The following ACAP2 variants were observed in gnomAD, a reference collection of about 807,000 sequenced individuals.
ACAP2 encodes ArfGAP with coiled-coil, ankyrin repeat and PH domains 2, also known as arf-GAP with coiled-coil, ANK repeat and PH domain-containing protein 2.
Under a neutral mutation model 115.8 loss-of-function variants are expected in ACAP2, and 39 were observed. The ratio of observed to expected loss-of-function variants is 0.34; its 90% CI spans 0.26 to 0.44. The LOEUF is 0.44. ACAP2 is among the 20% of genes least tolerant of loss of function. ACAP2 has a pLI of 1.00. For synonymous variants in ACAP2, 289 were observed against 315.8 expected (o/e 0.92, Z 0.90); for missense variants, 662 against 927.6 (o/e 0.71, Z 3.72).
intron 18 of ACAP2, 105 bp downstream of exon 18, chr3:195,294,608 ATTATAT>A (rs71180919): frequency 0.1 from 8,433 of 84,310 alleles, 443 homozygotes; most frequent in Non-Finnish European, 0.13. Flanking sequence ...AAAAAAAAAA[ATTATAT>A]ATATATATAT....
chr3:195,332,657 G>A (rs1730250170), intron 8 of ACAP2, among the ~76,000 whole-genome samples: 1 of 152,170 alleles, frequency 6.6e-6, no homozygotes, highest in Admixed American at 6.5e-5. Context: ...GAGACAAGGT[G>A]GAGGGAACTG....
chr3:195,374,607 T>C (rs1733387820), intron 4 of ACAP2, among the ~76,000 whole-genome samples: 3 of 152,358 alleles, frequency 2.0e-5, no homozygotes, highest in East Asian at 1.9e-4. Flanking sequence ...TATGCCTATA[T>C]AGGCAGTTTC....
chr3:195,384,326 C>T (rs823303), intron 2 of ACAP2, among the ~76,000 whole-genome samples: 25,336 of 152,008 alleles, frequency 0.17, 2,388 homozygotes, highest in Admixed American at 0.28. Context: ...ATAACATCCA[C>T]GATATATTAA....
At chr3:195,399,621 A>G (rs942156251) in intron 1 of ACAP2, among the ~76,000 whole-genome samples, 1 of 150,526 alleles carries the variant, frequency 6.6e-6, no homozygotes, top group Non-Finnish European at 1.5e-5. Context: ...AAAAGTAGCG[A>G]AAAAAAAAAT....
chr3:195,292,380 G>T lies in ACAP2; in HGVS notation c.1838C>A (p.Ala613Glu), dbSNP rs149500040. Residue 613 changes from alanine to glutamate, a missense_variant, in exon 19 of 23, where the codon GCG (alanine) becomes GAG (glutamate). Around this residue, in one of 3 missense-constraint regions of ACAP2, gnomAD observed 133 missense variants for 123.1 expected, o/e 1.08. Coordinates refer to ENST00000326793, the MANE Select transcript of ACAP2 (RefSeq NM_012287.6). ...HLNPGLQLYR[A>E]SYEKNLPKMA... ...TTTAGGAAGGTTTTTTTCATATGAC[G>T]CCCTATAAAGCTGAAGTCCTGGATT... 6 of 1,613,710 alleles carry T rather than the reference G, an allele frequency of 3.7e-6. No individual in the cohort carries two copies. The highest frequency in any genetic ancestry group is 5.1e-6 in the Non-Finnish European group (6 of 1,179,964).
At chr3:195,426,210 T>C (rs1370321321) in intron 1 of ACAP2, among the ~76,000 whole-genome samples, 11 of 152,180 alleles carry the variant, frequency 7.2e-5, no homozygotes, top group Non-Finnish European at 1.0e-4. Context: ...CCTTTCTCCC[T>C]GAGGCTTTAA....
intron 1 of ACAP2, among the ~76,000 whole-genome samples, chr3:195,424,595 G>A (rs1338249046): frequency 2.6e-5 from 4 of 150,950 alleles, no homozygotes; most frequent in Non-Finnish European, 4.4e-5. Context: ...CACCGCGCCC[G>A]GCCAGTTTTG....
intron 1 of ACAP2, among the ~76,000 whole-genome samples, chr3:195,395,160 C>A (rs1711637819): frequency 4.1e-5 from 6 of 144,580 alleles, no homozygotes. Context: ...CAATCCTCCC[C>A]AATTTTTACG....
rs548959066 is a variant in ACAP2, at chr3:195,348,771, A to T, written c.286-3454T>A. Among the ~76,000 whole-genome samples, 25 of 152,272 alleles carry T rather than the reference A, an allele frequency of 1.6e-4. No individual in the cohort carries two copies. In the South Asian group the frequency reaches 5.0e-3, roughly 30 times the overall value. ...CTGCAACAAAAATCTTCCCTTCCTGATTTTTAAAAACTCTCAGGAATATAG... is the reference window on the plus strand; with the variant it reads ...CTGCAACAAAAATCTTCCCTTCCTGTTTTTTAAAAACTCTCAGGAATATAG... On this transcript the variant is annotated intron_variant, in intron 4 of 22. Transcript: ENST00000326793.
At chr3:195,393,354 T>C (rs1711508953) in intron 1 of ACAP2, among the ~76,000 whole-genome samples, 1 of 152,220 alleles carries the variant, frequency 6.6e-6, no homozygotes, top group Non-Finnish European at 1.5e-5. Context: ...TTCACCTCTG[T>C]GTGACCTCTG....
At chr3:195,309,057 C>T (rs141946756) in intron 10 of ACAP2, among the ~76,000 whole-genome samples, 54 of 152,276 alleles carry the variant, frequency 3.5e-4, no homozygotes, top group Non-Finnish European at 7.5e-4. Context: ...TAAAGTACTA[C>T]ATTTTGATTA....
rs780120150 is a variant in ACAP2, at chr3:195,345,329, A to G, written c.286-12T>C. 22 of 1,552,438 alleles carry G rather than the reference A, an allele frequency of 1.4e-5. No individual in the cohort carries two copies. The highest frequency in any genetic ancestry group is 1.9e-5 in the Non-Finnish European group (21 of 1,125,428). On this transcript the variant is annotated splice_polypyrimidine_tract_variant and intron_variant, in intron 4 of 22. Coordinates refer to ENST00000326793, the MANE Select transcript of ACAP2 (RefSeq NM_012287.6). ...TGGTCAAACAGGATCTAAAAAATAA[A>G]ATGTAATATTAAGTGATTAGAAAAG...
intron 4 of ACAP2, among the ~76,000 whole-genome samples, chr3:195,356,842 C>A (rs1465635162): frequency 1.3e-5 from 2 of 151,946 alleles, no homozygotes; most frequent in African/African-American, 4.8e-5. Flanking sequence ...GTAACACACA[C>A]TGTGGGCCTC....
intron 4 of ACAP2, among the ~76,000 whole-genome samples, chr3:195,353,235 T>A (rs1386587815): frequency 6.6e-6 from 1 of 152,128 alleles, no homozygotes; most frequent in Non-Finnish European, 1.5e-5. Flanking sequence ...TGAGGCAATC[T>A]CATGAAATTC....
At chr3:195,403,782 C>T (rs1712512524) in intron 1 of ACAP2, among the ~76,000 whole-genome samples, 1 of 152,096 alleles carries the variant, frequency 6.6e-6, no homozygotes, top group African/African-American at 2.4e-5. Flanking sequence ...TTGGATTTGA[C>T]TCCAAAATAT....
intron 1 of ACAP2, among the ~76,000 whole-genome samples, chr3:195,424,247 GTGT>G (rs1714446035): frequency 1.2e-4 from 9 of 73,606 alleles, no homozygotes; most frequent in African/African-American, 3.9e-4. Context: ...TGTGTGTGGT[GTGT>G]GTGTGTGTGT....
intron 15 of ACAP2, among the ~76,000 whole-genome samples, chr3:195,300,101 C>CAG (rs1727948612): frequency 1.4e-5 from 2 of 144,278 alleles, no homozygotes; most frequent in African/African-American, 5.3e-5. Flanking sequence ...GGCCGGAGTG[C>CAG]AGTGGTGCGA....
At chr3:195,318,030 T>A (rs1439939817) in intron 10 of ACAP2, among the ~76,000 whole-genome samples, 1 of 152,176 alleles carries the variant, frequency 6.6e-6, no homozygotes, top group African/African-American at 2.4e-5. Context: ...GCTGTTCTCG[T>A]GATGGTGAGG....
chr3:195,274,996 A>C lies in ACAP2; in HGVS notation c.*4332T>G, dbSNP rs985311822. ...TTTCACAGGTAGCAAGAAATAGTAC[A>C]TGTAATAAGTCTTTATGACTGGAAT... On this transcript the variant is annotated 3_prime_UTR_variant, in exon 23 of 23. Transcript: ENST00000326793. 2.0e-5 allele frequency: 3 copies of C among 152,672 alleles called. No individual in the cohort carries two copies. Among genetic ancestry groups the C allele is most frequent in the East Asian group, 3.8e-4 (2 of 5,204 alleles). 9.5% of individuals were successfully genotyped at this position (152,672 alleles called of 1,614,324 possible). A position where few individuals can be genotyped will look rare whatever the true frequency, so the allele number is the denominator to read the frequency against.
Sources: allele counts gnomAD v4.1 joint callset (sites outside exome capture counted in the v4.1 genomes callset), GRCh38; gene constraint gnomAD v4.1.1; regional missense constraint gnomAD v4.1.1; transcripts MANE v1.5; gene names NCBI Gene and HGNC (gene_info 2026-07-23, HGNC 2026-07-21).